Variants in LPCAT2 observed in about 807,000 individuals in gnomAD.
LPCAT2 encodes lysophosphatidylcholine acyltransferase 2.
LPCAT2 carries 58 observed loss-of-function variants against 64.7 expected under a neutral mutation model. The observed-to-expected ratio is 0.90, with a 90% CI of 0.73 to 1.12. The LOEUF (loss-of-function observed/expected upper bound fraction) is 1.12, where lower values mean the gene tolerates loss of function less well. Among genes scored for constraint, LPCAT2 ranks in the 50% most tolerant of loss-of-function variants. The probability of loss-of-function intolerance (pLI) is 0.00; values close to 1 mark genes in which losing one functional copy is unlikely to be tolerated. For missense variants in LPCAT2, 579 were observed against 669.8 expected, an observed-to-expected ratio of 0.86 and a Z score of 1.50; for synonymous variants, 252 against 245.3, an observed-to-expected ratio of 1.03 and a Z score of -0.26.
At chr16:55,544,624 C>G (rs1963433028) in intron 8 of LPCAT2, among the ~76,000 whole-genome samples, 1 of 152,150 alleles carries the variant, frequency 6.6e-6, no homozygotes, top group African/African-American at 2.4e-5. Context: ...CTCACTTATT[C>G]TTAAAAAGCC....
chr16:55,584,279 T>C lies in LPCAT2; in HGVS notation c.*1181T>C, dbSNP rs1963920829. 1 of 152,216 alleles carries C rather than the reference T, an allele frequency of 6.6e-6. No individual in the cohort carries two copies. Among genetic ancestry groups the C allele is most frequent in the African/African-American group, 2.4e-5 (1 of 41,460 alleles). The allele number at this position is 152,216 out of a possible 1,614,324, so 9.4% of individuals were successfully genotyped here. ...TAAGTGGGAATTTTATTTTGTTAAG[T>C]GGACTCTCAAATTTTAGAACTTGTG... On this transcript the variant is annotated 3_prime_UTR_variant, in exon 14 of 14. Coordinates refer to ENST00000262134, the MANE Select transcript of LPCAT2 (RefSeq NM_017839.5).
intron 1 of LPCAT2, among the ~76,000 whole-genome samples, chr16:55,522,069 A>G (rs1215308982): frequency 6.6e-6 from 1 of 151,742 alleles, no homozygotes; most frequent in Non-Finnish European, 1.5e-5. Flanking sequence ...TTCACAAATG[A>G]TATAGACTGT....
In LPCAT2 at chr16:55,528,529, G is replaced by A; in HGVS notation, c.464G>A (p.Cys155Tyr). Reference protein sequence around the residue: ...PHSTFFDGIACVVAGLPSMVS... With the variant: ...PHSTFFDGIAYVVAGLPSMVS... ...TCAACATTCTTTGATGGAATTGCCT[G>A]TGTTGTAGCTGGGTTACCTTCTATG... Residue 155 changes from cysteine (C) to tyrosine (Y), a missense_variant, in exon 3 of 14, where the codon TGT becomes TAT. Transcript: ENST00000262134. 6.2e-7 allele frequency: 1 copy of A among 1,613,986 alleles called. No homozygotes were observed. Among genetic ancestry groups the A allele is most frequent in the Non-Finnish European group, 8.5e-7 (1 of 1,179,950 alleles).
At chr16:55,525,773 C>T (rs573043417) in intron 2 of LPCAT2, 126 bp downstream of exon 2, 1 of 525,178 alleles carries the variant, frequency 1.9e-6, no homozygotes, top group South Asian at 7.6e-5. Flanking sequence ...ACTATTTTAT[C>T]TGCCTACTCA....
At chr16:55,537,268 G>C (rs1297074408) in intron 7 of LPCAT2, among the ~76,000 whole-genome samples, 1 of 152,018 alleles carries the variant, frequency 6.6e-6, no homozygotes, top group Non-Finnish European at 1.5e-5. Context: ...GCTCACACCT[G>C]TAGTCTCAGC....
chr16:55,526,424 C>T (rs1963171013), intron 2 of LPCAT2, among the ~76,000 whole-genome samples: 1 of 151,950 alleles, frequency 6.6e-6, no homozygotes, highest in South Asian at 2.1e-4. Flanking sequence ...GAAATTGTTG[C>T]CAAATTTTTA....
intron 5 of LPCAT2, 146 bp downstream of exon 5, chr16:55,532,120 A>G: frequency 1.7e-6 from 1 of 606,018 alleles, no homozygotes. Flanking sequence ...GTGGATCCAC[A>G]GAACTTACTG....
intron 13 of LPCAT2, among the ~76,000 whole-genome samples, chr16:55,580,496 T>A (rs1462839096): frequency 6.6e-6 from 1 of 152,204 alleles, no homozygotes; most frequent in Non-Finnish European, 1.5e-5. Flanking sequence ...TCTGCTTTGT[T>A]TTTTGGAGTT....
intron 11 of LPCAT2, among the ~76,000 whole-genome samples, chr16:55,552,538 T>G (rs1473538597): frequency 6.6e-6 from 1 of 152,210 alleles, no homozygotes; most frequent in Non-Finnish European, 1.5e-5. Flanking sequence ...CTGAAGGATA[T>G]TTTTGTTGTA....
chr16:55,567,098 T>C, intron 11 of LPCAT2: 1 of 1,613,840 alleles, frequency 6.2e-7, no homozygotes, highest in Non-Finnish European at 8.5e-7. Context: ...ACAAAGATCT[T>C]AAGACTGACG....
At chr16:55,525,152 G>C (rs1963151446) in intron 1 of LPCAT2, among the ~76,000 whole-genome samples, 1 of 151,978 alleles carries the variant, frequency 6.6e-6, no homozygotes, top group African/African-American at 2.4e-5. Context: ...GCTAGCTCCT[G>C]CTTACTGCAA....
intron 11 of LPCAT2, 145 bp from the exon 12 acceptor site, chr16:55,574,486 T>A: frequency 6.3e-6 from 4 of 639,036 alleles, no homozygotes; most frequent in Non-Finnish European, 8.6e-6. Flanking sequence ...GGCTACTTGC[T>A]TGCTGTTCCT....
At chr16:55,571,836 T>C (rs908377496) in intron 11 of LPCAT2, among the ~76,000 whole-genome samples, 6 of 152,182 alleles carry the variant, frequency 3.9e-5, no homozygotes, top group Non-Finnish European at 8.8e-5. Context: ...ATCTAAATTT[T>C]AATTGCAGCT....
chr16:55,525,091 C>T (rs1170233118), intron 1 of LPCAT2, among the ~76,000 whole-genome samples: 1 of 151,996 alleles, frequency 6.6e-6, no homozygotes, highest in Non-Finnish European at 1.5e-5. Context: ...ACTCTGATGC[C>T]TTCACTTTTC....
chr16:55,529,926 A>C lies in LPCAT2; in HGVS notation c.621A>C (p.Thr207=), dbSNP rs370655061. ...NTINEIIKRT[T]SGGEWPQILV... ...TAAATGAAATAATAAAGCGAACAACATCAGGAGGAGAATGGCCCCAGGTAA... is the reference window on the plus strand; with the variant it reads ...TAAATGAAATAATAAAGCGAACAACCTCAGGAGGAGAATGGCCCCAGGTAA... The change falls in exon 4 of 14, where the codon ACA becomes ACC. Residue 207 remains threonine (T), a synonymous_variant. Coordinates refer to ENST00000262134, the MANE Select transcript of LPCAT2 (RefSeq NM_017839.5). 3.1e-6 allele frequency: 5 copies of C among 1,610,698 alleles called. No homozygotes were observed. Among genetic ancestry groups the C allele is most frequent in the South Asian group, 1.1e-5 (1 of 90,550 alleles).
intron 1 of LPCAT2, among the ~76,000 whole-genome samples, chr16:55,521,398 C>CT (rs1825337741): frequency 6.6e-6 from 1 of 151,708 alleles, no homozygotes; most frequent in South Asian, 2.1e-4. Context: ...TTTTGTCAAA[C>CT]TTTTAAGAAT....
intron 1 of LPCAT2, among the ~76,000 whole-genome samples, chr16:55,510,294 T>TA (rs1327892995): frequency 1.6e-4 from 24 of 152,268 alleles, no homozygotes; most frequent in African/African-American, 5.8e-4. Context: ...GCTATACTGT[T>TA]ATGCACAAAG....
At chr16:55,522,098 G>A (rs1963105372) in intron 1 of LPCAT2, among the ~76,000 whole-genome samples, 1 of 151,600 alleles carries the variant, frequency 6.6e-6, no homozygotes, top group Non-Finnish European at 1.5e-5. Context: ...AACTTCCTAA[G>A]GAATCAACAG....
chr16:55,540,475 G>A (rs1963382280), intron 8 of LPCAT2: 1 of 152,166 alleles, frequency 6.6e-6, no homozygotes, highest in African/African-American at 2.4e-5. Context: ...ATTACAAAAT[G>A]TGACATGAAT....
Sources: gnomAD v4.1 joint callset for allele counts (sites outside exome capture counted in the v4.1 genomes callset) on GRCh38, gnomAD v4.1.1 for gene constraint, MANE v1.5 for transcripts, NCBI Gene and HGNC (gene_info 2026-07-23, HGNC 2026-07-21) for gene names.